Variants in PKHD1 observed in about 807,000 individuals in gnomAD.
The protein encoded by PKHD1 is PKHD1 ciliary IPT domain containing fibrocystin/polyductin.
Under a neutral mutation model 412.0 loss-of-function variants are expected in PKHD1, and 291 were observed. The observed-to-expected ratio is 0.71, with a 90% confidence interval of 0.64 to 0.78. PKHD1 has a LOEUF of 0.78. PKHD1 is among the 30% of genes least tolerant of loss of function. The pLI is 0.00. For missense variants in PKHD1, 4,825 were observed against 4,950.7 expected (o/e 0.97, Z 0.76); for synonymous variants, 1,777 against 1,821.5 (o/e 0.98, Z 0.62).
At chr6:51,997,593 GAAAT>G (rs1173255732) in intron 35 of PKHD1, among the ~76,000 whole-genome samples, 4 of 152,348 alleles carry the variant, frequency 2.6e-5, no homozygotes, top group African/African-American at 7.2e-5. Context: ...TTCTTAGAAG[GAAAT>G]AAATAGAGAC....
At position 51,744,492 on chromosome 6, in the gene PKHD1, C is replaced by A. The variant is rs1350591154; in HGVS notation, c.10049G>T (p.Arg3350Ile). ...ATCCAGATCCTTGAAGAGATATTTT[C>A]TTGGACTTGCACAGTCTAATTCAGG... ...VCPELDCASP[R>I]KYLFKDLDGR... The change falls in exon 60 of 67, where the codon AGA (arginine) becomes ATA (isoleucine). Residue 3350 changes from arginine to isoleucine, a missense_variant. Arg to Ile is a moderately conservative substitution (Grantham distance 97). Coordinates refer to ENST00000371117, the MANE Select transcript of PKHD1 (RefSeq NM_138694.4). 4 of 1,613,464 alleles carry A rather than the reference C, an allele frequency of 2.5e-6. No homozygotes were observed. Among genetic ancestry groups the A allele is most frequent in the Middle Eastern group, 1.7e-4 (1 of 6,056 alleles).
At chr6:51,632,381 C>A (rs1355831988) in intron 65 of PKHD1, among the ~76,000 whole-genome samples, 184 bp downstream of exon 65, 1 of 152,040 alleles carries the variant, frequency 6.6e-6, no homozygotes, top group Non-Finnish European at 1.5e-5. Flanking sequence ...GCTATTATTA[C>A]TTAAGATTAG....
chr6:51,821,504 G>A lies in PKHD1; in HGVS notation c.8302+9357C>T, dbSNP rs114162823. On this transcript the variant is annotated intron_variant, in intron 52 of 66. Transcript: ENST00000371117. ...ATGCCACTGTCGGTATTCCAGAACTGAAAGGAATTAACCAATTAGCTCTGA... is the reference window on the plus strand; with the variant it reads ...ATGCCACTGTCGGTATTCCAGAACTAAAAGGAATTAACCAATTAGCTCTGA... Among the ~76,000 whole-genome samples the A allele has an allele frequency of 3.5e-3, 539 of 152,294 alleles. 5 individuals are homozygous for A. Among genetic ancestry groups the A allele is most frequent in the African/African-American group, 0.012 (507 of 41,568 alleles).
In PKHD1 at chr6:52,043,747, T is replaced by C; in HGVS notation, c.2716-17A>G. ...CACAACCACCTGAAATGAGGCAAAA[T>C]TTCTTTTCCATTTTATGCATTTCAT... On this transcript the variant is annotated splice_polypyrimidine_tract_variant and intron_variant, in intron 25 of 66. Coordinates refer to ENST00000371117, the MANE Select transcript of PKHD1 (RefSeq NM_138694.4). 6.3e-7 allele frequency: 1 copy of C among 1,594,436 alleles called. No individual in the cohort carries two copies. The highest frequency in any genetic ancestry group is 8.6e-7 in the Non-Finnish European group (1 of 1,162,234).
At chr6:52,041,491 G>T (rs1019419469) in intron 27 of PKHD1, among the ~76,000 whole-genome samples, 1 of 152,192 alleles carries the variant, frequency 6.6e-6, no homozygotes, top group East Asian at 1.9e-4. Flanking sequence ...TTGAGTGAGT[G>T]AGTACTGATT....
chr6:51,993,196 T>A (rs1797250435), intron 35 of PKHD1, among the ~76,000 whole-genome samples: 1 of 152,090 alleles, frequency 6.6e-6, no homozygotes, highest in Non-Finnish European at 1.5e-5. Flanking sequence ...GGGAGGTGAG[T>A]GGGGAGAATG....
intron 54 of PKHD1, among the ~76,000 whole-genome samples, chr6:51,774,375 C>T (rs538921266): frequency 6.6e-6 from 1 of 152,048 alleles, no homozygotes; most frequent in Admixed American, 6.6e-5. Context: ...ACCGTACAGC[C>T]AGGATCGGGG....
intron 60 of PKHD1, chr6:51,720,987 AGCAATTT>A: frequency 1.0e-6 from 1 of 984,134 alleles, no homozygotes; most frequent in Non-Finnish European, 1.2e-6. Flanking sequence ...CAGCAAAGGT[AGCAATTT>A]TAGGATAGAA....
intron 50 of PKHD1, among the ~76,000 whole-genome samples, chr6:51,841,017 GA>G (rs1296703535): frequency 3.3e-5 from 5 of 151,900 alleles, no homozygotes; most frequent in Non-Finnish European, 7.4e-5. Flanking sequence ...ATTGATTTAA[GA>G]AAAATATTAA....
At chr6:52,032,638 T>G (rs983109911) in intron 29 of PKHD1, among the ~76,000 whole-genome samples, 6 of 152,222 alleles carry the variant, frequency 3.9e-5, no homozygotes, top group African/African-American at 1.4e-4. Flanking sequence ...AATTACTTAT[T>G]CTCTCCATTC....
intron 48 of PKHD1, among the ~76,000 whole-genome samples, chr6:51,867,623 G>A (rs1161907496): frequency 6.6e-6 from 1 of 152,224 alleles, no homozygotes; most frequent in East Asian, 1.9e-4. Flanking sequence ...AAATGTCAAT[G>A]AGAGGTCACA....
intron 39 of PKHD1, among the ~76,000 whole-genome samples, chr6:51,910,512 C>T (rs760260611): frequency 2.4e-4 from 36 of 152,230 alleles, no homozygotes; most frequent in Non-Finnish European, 4.4e-4. Flanking sequence ...TTCCACACTC[C>T]AGCCCCACAC....
At chr6:51,743,388 G>A (rs1198224388) in intron 60 of PKHD1, among the ~76,000 whole-genome samples, 2 of 152,134 alleles carry the variant, frequency 1.3e-5, no homozygotes, top group Non-Finnish European at 2.9e-5. Flanking sequence ...ACCAATTACT[G>A]AGGTAGGGAC....
chr6:52,083,253 G>A lies in PKHD1; in HGVS notation c.55C>T (p.Arg19Cys), dbSNP rs767379405. The change falls in exon 3 of 67, where the codon CGT (arginine) becomes TGT (cysteine). Residue 19 changes from arginine (R) to cysteine (C), a missense_variant and splice_region_variant. Coordinates refer to ENST00000371117, the MANE Select transcript of PKHD1 (RefSeq NM_138694.4). ...MSIEVLLLAV[R>C]HLSLHIEPEE... ...GGTTCAATATGTAAACTCAGGTGACGTACTGTAAGTAAGTGAAAAAAAACA... is the reference window on the plus strand; with the variant it reads ...GGTTCAATATGTAAACTCAGGTGACATACTGTAAGTAAGTGAAAAAAAACA... 1.9e-5 allele frequency: 30 copies of A among 1,594,660 alleles called. 1 individual carries two copies. The highest frequency in any genetic ancestry group is 1.8e-4 in the East Asian group (8 of 44,800).
At chr6:51,939,417 C>A (rs575784856) in intron 36 of PKHD1, among the ~76,000 whole-genome samples, 2 of 151,510 alleles carry the variant, frequency 1.3e-5, no homozygotes, top group African/African-American at 4.8e-5. Flanking sequence ...CAGCCTTCCA[C>A]CCTCCATTCC....
intron 60 of PKHD1, among the ~76,000 whole-genome samples, chr6:51,670,822 G>T (rs1229506059): frequency 1.3e-5 from 2 of 150,606 alleles, no homozygotes; most frequent in East Asian, 3.9e-4. Context: ...AGTTTGGCTG[G>T]ATATGAAATT....
chr6:51,819,341 CTTTT>C (rs1765997685), intron 52 of PKHD1, among the ~76,000 whole-genome samples: 1 of 152,056 alleles, frequency 6.6e-6, no homozygotes, highest in African/African-American at 2.4e-5. Flanking sequence ...GTTTGACTTA[CTTTT>C]TTTTCCATGT....
chr6:51,746,733 G>A lies in PKHD1; in HGVS notation c.9986C>T (p.Ser3329Leu). 6.2e-7 allele frequency: 1 copy of A among 1,603,134 alleles called. No individual in the cohort carries two copies. The highest frequency in any genetic ancestry group is 1.1e-5 in the South Asian group (1 of 90,846). The change falls in exon 59 of 67, where the codon TCA (serine) becomes TTA (leucine). Residue 3329 changes from serine to leucine, a missense_variant. By Grantham distance (145) the Ser-to-Leu change is moderately radical (BLOSUM62 -2). Transcript: ENST00000371117. Reference sequence around the variant, plus strand: ...CTAAAAATTATACCTGGGTTGTAATGAAGGAAAGTAGAACTTGTTTTTATC... The same window carrying A: ...CTAAAAATTATACCTGGGTTGTAATAAAGGAAAGTAGAACTTGTTTTTATC... ...IKDKNKFYFPSLQPRKDLGKV... is the reference protein window; with the variant it reads ...IKDKNKFYFPLLQPRKDLGKV...
At chr6:51,943,412 A>G (rs1015348669) in intron 36 of PKHD1, among the ~76,000 whole-genome samples, 5 of 150,328 alleles carry the variant, frequency 3.3e-5, no homozygotes, top group African/African-American at 1.2e-4. Flanking sequence ...AAAAAAACTC[A>G]TCATCCCTAC....
Sources: gnomAD v4.1 joint callset for allele counts (sites outside exome capture counted in the v4.1 genomes callset) on GRCh38, gnomAD v4.1.1 for gene constraint, MANE v1.5 for transcripts, NCBI Gene and HGNC (gene_info 2026-07-23, HGNC 2026-07-21) for gene names.